Variants in MAMLD1 observed in about 807,000 individuals in gnomAD.
The protein encoded by MAMLD1 is mastermind like domain containing 1.
Under a neutral mutation model 45.0 loss-of-function variants are expected in MAMLD1, and 14 were observed. The ratio of observed to expected loss-of-function variants is 0.31; its 90% confidence interval spans 0.21 to 0.49. MAMLD1 has a LOEUF of 0.49. MAMLD1 is among the 20% of genes least tolerant of loss of function. The pLI, the probability that MAMLD1 is intolerant of heterozygous loss-of-function variation, is 0.99. For missense variants in MAMLD1, 543 were observed against 603.6 expected, an observed-to-expected ratio of 0.90 and a Z score of 1.05; for synonymous variants, 254 against 247.8, an observed-to-expected ratio of 1.02 and a Z score of -0.24.
At chrX:150,451,657 A>C (rs1204967709) in intron 2 of MAMLD1, among the ~76,000 whole-genome samples, 1 of 111,035 alleles carries the variant, frequency 9.0e-6, no homozygotes, top group Non-Finnish European at 1.9e-5. Context: ...ATTTGTTGGA[A>C]ACCTTCCTCC....
At chrX:150,393,317 G>A (rs2033268800) in intron 1 of MAMLD1, among the ~76,000 whole-genome samples, 1 of 112,035 alleles carries the variant, frequency 8.9e-6, no homozygotes, top group Non-Finnish European at 1.9e-5. Context: ...TCCATTGCCT[G>A]GATGTGTCAC....
intron 1 of MAMLD1, among the ~76,000 whole-genome samples, chrX:150,373,189 T>C (rs1181661392): frequency 1.8e-5 from 2 of 111,440 alleles, no homozygotes; most frequent in Non-Finnish European, 3.8e-5. Flanking sequence ...GCACCAGCAA[T>C]CCCCAAGAGT....
At chrX:150,371,981 G>T (rs1385712680) in intron 1 of MAMLD1, among the ~76,000 whole-genome samples, 2 of 112,128 alleles carry the variant, frequency 1.8e-5, no homozygotes, top group African/African-American at 6.5e-5. Context: ...GGAGCCCAAA[G>T]TTGACAGAAC....
intron 5 of MAMLD1, among the ~76,000 whole-genome samples, chrX:150,493,307 G>A (rs2037247942): frequency 9.0e-6 from 1 of 111,504 alleles, no homozygotes. Flanking sequence ...GTGGTTTGCT[G>A]CAGAAAAGAC....
At chrX:150,511,511 C>A (rs1356741813) in intron 7 of MAMLD1, among the ~76,000 whole-genome samples, 5 of 112,207 alleles carry the variant, frequency 4.5e-5, no homozygotes, top group African/African-American at 1.6e-4. Context: ...ACTCACCACA[C>A]TCACTTGCTG....
chrX:150,502,714 G>A (rs781950646), intron 5 of MAMLD1, among the ~76,000 whole-genome samples: 3 of 110,937 alleles, frequency 2.7e-5, no homozygotes, highest in Non-Finnish European at 5.7e-5. Flanking sequence ...AGATTTACTC[G>A]TGACTGTTTG....
At position 150,440,960 on chromosome X, in the gene MAMLD1, TA is replaced by T. The variant is rs1378334792; in HGVS notation, c.-63-4489del. On this transcript the variant is annotated intron_variant, in intron 1 of 7. Transcript: ENST00000370401. Reference sequence around the variant, plus strand: ...ATTATTTATTATTAAAATAATTTAATAAAAATTATTAAATATAAAATAATAT... The same window carrying T: ...ATTATTTATTATTAAAATAATTTAATAAAATTATTAAATATAAAATAATAT... Among the ~76,000 whole-genome samples, 145 of 104,893 alleles carry T rather than the reference TA, an allele frequency of 1.4e-3. 1 individual carries two copies. Among genetic ancestry groups the T allele is most frequent in the African/African-American group, 4.1e-3 (121 of 29,469 alleles). The allele number at this position is 104,893 out of a possible 115,157, so 91.1% of individuals were successfully genotyped here.
intron 1 of MAMLD1, among the ~76,000 whole-genome samples, chrX:150,372,374 C>T (rs1168107111): frequency 9.0e-6 from 1 of 111,416 alleles, no homozygotes; most frequent in African/African-American, 3.3e-5. Context: ...GGGTTTGGCT[C>T]TTAATGAGAT....
chrX:150,379,926 C>T (rs1317539962), intron 1 of MAMLD1, among the ~76,000 whole-genome samples: 1 of 111,616 alleles, frequency 9.0e-6, no homozygotes, highest in Non-Finnish European at 1.9e-5. Context: ...TTCAACCAAC[C>T]TCCTATGTGT....
In MAMLD1 at chrX:150,469,957, A is replaced by C. The variant is rs1557406248; in HGVS notation, c.384A>C (p.Ser128=). The change falls in exon 4 of 8, where the codon TCA becomes TCC. Residue 128 remains serine (S), a synonymous_variant. Transcript: ENST00000370401. ...CGGCTATGGGAGTGGCTGGCCAGTCATTACTGCTGGAGAATAACCCTATGA... is the reference window on the plus strand; with the variant it reads ...CGGCTATGGGAGTGGCTGGCCAGTCCTTACTGCTGGAGAATAACCCTATGA... ...SPAAMGVAGQ[S]LLLENNPMNG... is the part of the protein sequence containing the mutation. 2 of 1,211,793 alleles carry C rather than the reference A, an allele frequency of 1.7e-6. No homozygotes were observed. Among genetic ancestry groups the C allele is most frequent in the Non-Finnish European group, 2.2e-6 (2 of 895,512 alleles).
In MAMLD1 at chrX:150,470,059, C is replaced by A; in HGVS notation, c.486C>A (p.Tyr162Ter). 1 of 1,211,919 alleles carries A rather than the reference C, an allele frequency of 8.3e-7. No individual in the cohort carries two copies. The highest frequency in any genetic ancestry group is 1.1e-6 in the Non-Finnish European group (1 of 895,530). Residue 162 changes from tyrosine to a stop codon, truncating the protein, a stop_gained, in exon 4 of 8, where the codon TAC becomes TAA. Transcript: ENST00000370401. LOFTEE classifies it high-confidence loss of function. ...EVGLKGPTVP[Y>*]YEKINSVPAV... ...GACTGAAAGGGCCCACTGTTCCTTA[C>A]TATGAGAAAATCAACAGCGTGCCGG...
intron 1 of MAMLD1, among the ~76,000 whole-genome samples, chrX:150,436,573 A>C (rs1451980919): frequency 9.8e-5 from 11 of 112,118 alleles, no homozygotes; most frequent in Admixed American, 2.8e-4. Flanking sequence ...CTCTCAGATC[A>C]GTTTGGCTCT....
chrX:150,494,158 G>A (rs2037282893), intron 5 of MAMLD1, among the ~76,000 whole-genome samples: 2 of 111,747 alleles, frequency 1.8e-5, no homozygotes, highest in Non-Finnish European at 3.8e-5. Flanking sequence ...CACTTTGGGA[G>A]GCCAAGGAGG....
At chrX:150,432,215 G>A (rs781958618) in intron 1 of MAMLD1, among the ~76,000 whole-genome samples, 1 of 111,597 alleles carries the variant, frequency 9.0e-6, no homozygotes, top group Non-Finnish European at 1.9e-5. Flanking sequence ...TTTGCCACAT[G>A]TATGACTTCT....
At chrX:150,430,019 C>CTTTTTT (rs1174092962) in intron 1 of MAMLD1, among the ~76,000 whole-genome samples, 1,291 of 49,034 alleles carry the variant, frequency 0.026, 24 homozygotes, top group East Asian at 0.046. Context: ...TCTTTCTTTT[C>CTTTTTT]TTTTTTTTTT....
chrX:150,425,742 G>A (rs2034681271), intron 1 of MAMLD1, among the ~76,000 whole-genome samples: 4 of 111,681 alleles, frequency 3.6e-5, no homozygotes, highest in African/African-American at 1.3e-4. Context: ...AGAATTTACA[G>A]TCTAGAGGAG....
intron 5 of MAMLD1, among the ~76,000 whole-genome samples, chrX:150,489,398 G>A (rs1423449587): frequency 9.1e-6 from 1 of 109,615 alleles, no homozygotes; most frequent in African/African-American, 3.3e-5. Context: ...TAGCTTCCTT[G>A]GGCTTCTTCT....
At chrX:150,406,059 A>G (rs1383582681) in intron 1 of MAMLD1, among the ~76,000 whole-genome samples, 1 of 111,320 alleles carries the variant, frequency 9.0e-6, no homozygotes, top group African/African-American at 3.3e-5. Context: ...TATTCAGCCT[A>G]CCCTCTTGGC....
intron 5 of MAMLD1, among the ~76,000 whole-genome samples, chrX:150,498,965 A>G (rs1212796991): frequency 8.9e-6 from 1 of 112,218 alleles, no homozygotes; most frequent in Admixed American, 9.4e-5. Flanking sequence ...TCTCTTTGAT[A>G]TGGGGCAGGA....
Sources: allele counts gnomAD v4.1 joint callset (sites outside exome capture counted in the v4.1 genomes callset), GRCh38; gene constraint gnomAD v4.1.1; transcripts MANE v1.5; gene names NCBI Gene and HGNC (gene_info 2026-07-23, HGNC 2026-07-21).